GRIA3: variants seen among roughly 807,000 people sequenced by gnomAD.
GRIA3 encodes the protein glutamate ionotropic receptor AMPA type subunit 3, also known as glutamate receptor 3.
In GRIA3, 3 loss-of-function variants were observed where a neutral mutation model predicts 63.0. The ratio of observed to expected loss-of-function variants is 0.05; its 90% CI spans 0.02 to 0.12. The LOEUF is 0.12. GRIA3 is among the 10% of genes least tolerant of loss of function. The pLI is 1.00. For synonymous variants in GRIA3, 274 were observed against 257.9 expected (o/e 1.06, Z -0.60); for missense variants, 347 against 700.9 (o/e 0.50, Z 5.70).
chrX:123,332,197 G>T (rs1254138052), intron 4 of GRIA3, among the ~76,000 whole-genome samples: 1 of 110,070 alleles, frequency 9.1e-6, no homozygotes, highest in African/African-American at 3.3e-5. Flanking sequence ...ATATAACACT[G>T]GGTAACACAT....
chrX:123,197,847 T>G (rs757918087), intron 2 of GRIA3, among the ~76,000 whole-genome samples: 1 of 112,289 alleles, frequency 8.9e-6, no homozygotes, highest in Admixed American at 9.4e-5. Context: ...ATTCCCCAGT[T>G]ATAAAGTGGT....
chrX:123,348,664 C>A (rs2045070744), intron 4 of GRIA3, among the ~76,000 whole-genome samples: 1 of 111,723 alleles, frequency 9.0e-6, no homozygotes, highest in Non-Finnish European at 1.9e-5. Flanking sequence ...TACTGTTGGA[C>A]CCATGACCAA....
At chrX:123,242,698 A>G (rs145427851) in intron 2 of GRIA3, among the ~76,000 whole-genome samples, 228 of 112,375 alleles carry the variant, frequency 2.0e-3, no homozygotes, top group African/African-American at 6.8e-3. Flanking sequence ...TTTTAAAAGG[A>G]GAAATTTAGC....
rs765277791 is a variant in GRIA3 at position 123,452,215 on chromosome X, C to T, written c.2077-12650C>T. On this transcript the variant is annotated intron_variant, in intron 12 of 15. Coordinates refer to ENST00000620443, the MANE Select transcript of GRIA3 (RefSeq NM_007325.5). ...GAAGCATTATTTACAATGTTGGCCCCGCCTCAGGCCAATTAAACCAGAATC... is the reference window on the plus strand; with the variant it reads ...GAAGCATTATTTACAATGTTGGCCCTGCCTCAGGCCAATTAAACCAGAATC... Among the ~76,000 whole-genome samples the T allele has an allele frequency of 4.5e-5, 5 of 111,047 alleles. No homozygotes were observed. In the South Asian group the frequency reaches 1.9e-3, roughly 43 times the overall value.
At chrX:123,426,526 C>T (rs752529737) in intron 11 of GRIA3, among the ~76,000 whole-genome samples, 7 of 111,792 alleles carry the variant, frequency 6.3e-5, no homozygotes, top group East Asian at 2.8e-4. Context: ...TTTGTGTTGA[C>T]GTGTTTTGAC....
chrX:123,231,280 A>G (rs1354164331), intron 2 of GRIA3, among the ~76,000 whole-genome samples: 2 of 111,663 alleles, frequency 1.8e-5, no homozygotes, highest in African/African-American at 6.5e-5. Context: ...GCCAGAAAGA[A>G]CCTTAGAGAT....
intron 2 of GRIA3, among the ~76,000 whole-genome samples, chrX:123,208,051 T>C (rs1019098341): frequency 2.7e-5 from 3 of 112,159 alleles, no homozygotes; most frequent in Non-Finnish European, 5.6e-5. Context: ...CAATAGAAGA[T>C]GATTATCTCT....
At chrX:123,482,711 A>G in intron 14 of GRIA3, 88 bp from the exon 15 acceptor site, 8 of 1,004,967 alleles carry the variant, frequency 8.0e-6, no homozygotes, top group Non-Finnish European at 9.8e-6. Context: ...TTTACAATTT[A>G]GAACTCCCCT....
intron 3 of GRIA3, among the ~76,000 whole-genome samples, chrX:123,320,774 G>A (rs1186663261): frequency 8.9e-6 from 1 of 112,008 alleles, no homozygotes; most frequent in Non-Finnish European, 1.9e-5. Flanking sequence ...GGCTGCACTT[G>A]TGCAACCCTC....
chrX:123,328,614 T>C (rs191120354), intron 4 of GRIA3, among the ~76,000 whole-genome samples: 1 of 112,381 alleles, frequency 8.9e-6, no homozygotes, highest in East Asian at 2.8e-4. Flanking sequence ...GGACTAGATT[T>C]ATCTTGTTCA....
At chrX:123,462,995 G>C (rs1177132786) in intron 12 of GRIA3, among the ~76,000 whole-genome samples, 4 of 111,197 alleles carry the variant, frequency 3.6e-5, no homozygotes, top group Non-Finnish European at 7.5e-5. Context: ...TAGAGGCACA[G>C]TAAGCATTTA....
intron 3 of GRIA3, among the ~76,000 whole-genome samples, chrX:123,260,797 AG>A (rs1450827271): frequency 5.9e-4 from 65 of 110,107 alleles, no homozygotes; most frequent in African/African-American, 2.1e-3. Context: ...AGCAATAATC[AG>A]GGTTGACAGT....
chrX:123,381,111 A>G (rs747225688), intron 5 of GRIA3, among the ~76,000 whole-genome samples: 58 of 111,837 alleles, frequency 5.2e-4, no homozygotes, highest in African/African-American at 1.8e-3. Context: ...CCATCTATCT[A>G]TATATTTTAT....
At chrX:123,309,092 A>G in intron 3 of GRIA3, among the ~76,000 whole-genome samples, 1 of 112,160 alleles carries the variant, frequency 8.9e-6, no homozygotes, top group South Asian at 3.7e-4. Flanking sequence ...TTGTTTAAAC[A>G]TAGATTTTCA....
rs760701116 is a variant in GRIA3, at chrX:123,363,751, T to G, written c.750+8788T>G. The stretch of plus-strand genomic sequence containing the variant: ...TGATATGATTGAGAAGTGGTGCAAT[T>G]TATGAAATATAGCAGAACCTACAAA... On this transcript the variant is annotated intron_variant, in intron 5 of 15. Transcript: ENST00000620443. Among the ~76,000 whole-genome samples, 10 of 112,665 alleles carry G rather than the reference T, an allele frequency of 8.9e-5. No homozygotes were observed. The East Asian group carries it at 2.8e-3, about 31-fold the overall frequency.
chrX:123,315,276 C>T (rs1281848483), intron 3 of GRIA3, among the ~76,000 whole-genome samples: 2 of 111,981 alleles, frequency 1.8e-5, no homozygotes, highest in Non-Finnish European at 3.8e-5. Context: ...GATTGAATGT[C>T]GGTGAATATT....
intron 2 of GRIA3, among the ~76,000 whole-genome samples, chrX:123,218,952 TTTGA>T (rs1928227847): frequency 9.0e-6 from 1 of 111,594 alleles, no homozygotes; most frequent in Non-Finnish European, 1.9e-5. Flanking sequence ...ATTAGAGCAG[TTTGA>T]TTGGCAAGGA....
rs886575530 is a variant in GRIA3, at chrX:123,251,729, G to A, written c.269-1574G>A. ...GATTACAGGCGTGAGCCACCGCGAC[G>A]GGATTTTTCCTTTTAATATAAAGAC... On this transcript the variant is annotated intron_variant, in intron 2 of 15. Transcript: ENST00000620443. Among the ~76,000 whole-genome samples, 6 of 111,437 alleles carry A rather than the reference G, an allele frequency of 5.4e-5. No homozygotes were observed. In the East Asian group the frequency reaches 8.5e-4, roughly 16 times the overall value.
intron 2 of GRIA3, among the ~76,000 whole-genome samples, chrX:123,239,691 G>T (rs896167668): frequency 2.7e-5 from 3 of 112,334 alleles, no homozygotes; most frequent in Non-Finnish European, 3.8e-5. Flanking sequence ...AAAACATTTA[G>T]GTGGGTAGGC....
Sources: gnomAD v4.1 joint callset for allele counts (sites outside exome capture counted in the v4.1 genomes callset) on GRCh38, gnomAD v4.1.1 for gene constraint, MANE v1.5 for transcripts, NCBI Gene and HGNC (gene_info 2026-07-23, HGNC 2026-07-21) for gene names.